FILIP1: variants seen among roughly 807,000 people sequenced by gnomAD.
FILIP1 encodes the protein filamin A interacting protein 1.
Under a neutral mutation model 102.1 loss-of-function variants are expected in FILIP1, and 61 were observed. That is an observed-to-expected ratio of 0.60 (90% CI 0.49 to 0.74). The LOEUF is 0.74. Ranked by LOEUF, FILIP1 falls within the 30% of genes least tolerant of loss-of-function variation. FILIP1 has a pLI of 0.00. For synonymous variants in FILIP1, 491 were observed against 526.9 expected, an observed-to-expected ratio of 0.93 and a Z score of 0.93; for missense variants, 1,314 against 1,441.2, an observed-to-expected ratio of 0.91 and a Z score of 1.43.
intron 1 of FILIP1, among the ~76,000 whole-genome samples, chr6:75,456,472 A>G (rs1170563339): frequency 6.6e-6 from 1 of 152,260 alleles, no homozygotes; most frequent in Non-Finnish European, 1.5e-5. Context: ...AATCTCAGAT[A>G]AAGAACAAAT....
intron 1 of FILIP1, among the ~76,000 whole-genome samples, chr6:75,492,729 T>C (rs1780000504): frequency 6.6e-6 from 1 of 151,972 alleles, no homozygotes; most frequent in African/African-American, 2.4e-5. Flanking sequence ...ATAGAATCTG[T>C]TATATCTAAA....
intron 1 of FILIP1, among the ~76,000 whole-genome samples, chr6:75,415,309 A>C (rs1777225185): frequency 6.6e-6 from 1 of 152,046 alleles, no homozygotes; most frequent in African/African-American, 2.4e-5. Context: ...TGGAGATGTC[A>C]ATTATAGAGG....
intron 1 of FILIP1, among the ~76,000 whole-genome samples, chr6:75,464,769 C>T (rs538726457): frequency 6.6e-6 from 1 of 152,260 alleles, no homozygotes; most frequent in African/African-American, 2.4e-5. Flanking sequence ...GTTCAAAACT[C>T]AACTTCTGGT....
intron 2 of FILIP1, among the ~76,000 whole-genome samples, chr6:75,413,546 T>G (rs1471194814): frequency 6.6e-6 from 1 of 152,128 alleles, no homozygotes. Flanking sequence ...CTTATCTGTA[T>G]GCACACACAG....
chr6:75,311,723 C>T (rs947645751), intron 5 of FILIP1, among the ~76,000 whole-genome samples: 1 of 152,202 alleles, frequency 6.6e-6, no homozygotes, highest in Non-Finnish European at 1.5e-5. Flanking sequence ...TCTTGAACTC[C>T]TGACCTCAGG....
At chr6:75,452,474 T>C (rs546397100) in intron 1 of FILIP1, among the ~76,000 whole-genome samples, 1 of 152,278 alleles carries the variant, frequency 6.6e-6, no homozygotes, top group South Asian at 2.1e-4. Context: ...TTCCATGGTG[T>C]ATATGTGCCA....
intron 4 of FILIP1, among the ~76,000 whole-genome samples, chr6:75,316,401 C>T (rs970405382): frequency 6.6e-6 from 1 of 152,030 alleles, no homozygotes; most frequent in Non-Finnish European, 1.5e-5. Context: ...ACTATTCTGA[C>T]TGATTAATTT....
intron 2 of FILIP1, among the ~76,000 whole-genome samples, chr6:75,412,363 C>G (rs570608225): frequency 6.6e-6 from 1 of 152,286 alleles, no homozygotes; most frequent in Admixed American, 6.5e-5. Flanking sequence ...TATCTGCACA[C>G]AGAGATAATT....
intron 3 of FILIP1, chr6:75,360,623 G>A (rs533929242): frequency 6.6e-6 from 1 of 152,308 alleles, no homozygotes; most frequent in East Asian, 1.9e-4. Context: ...AATTTACGAA[G>A]AAGGGCAGAG....
intron 1 of FILIP1, among the ~76,000 whole-genome samples, chr6:75,487,531 T>C (rs1779824683): frequency 6.6e-6 from 1 of 152,098 alleles, no homozygotes; most frequent in African/African-American, 2.4e-5. Flanking sequence ...CATTATTGTG[T>C]CATCTATGAC....
intron 2 of FILIP1, among the ~76,000 whole-genome samples, chr6:75,397,537 GACACACACACAC>G (rs59797690): frequency 0.016 from 2,221 of 139,036 alleles, 30 homozygotes; most frequent in Non-Finnish European, 0.017. Flanking sequence ...ACACATATAA[GACACACACACAC>G]ACACACACAC....
At chr6:75,441,905 C>A (rs1297535348) in intron 1 of FILIP1, among the ~76,000 whole-genome samples, 2 of 149,712 alleles carry the variant, frequency 1.3e-5, no homozygotes, top group Non-Finnish European at 3.0e-5. Context: ...CACCTCCCTC[C>A]CGGACGGGGC....
At chr6:75,353,468 C>A in intron 4 of FILIP1, 71 bp downstream of exon 4, 1 of 1,545,588 alleles carries the variant, frequency 6.5e-7, no homozygotes, top group Non-Finnish European at 8.8e-7. Flanking sequence ...AAGACTGATC[C>A]CTGAAGGGAC....
In FILIP1 at chr6:75,353,646, C is replaced by G; in HGVS notation, c.522G>C (p.Lys174Asn). ...ACTCGTATACGGTGCGCCTATGACA[C>G]TTCTCGGCCAGCAACAGCTGCTCTA... ...RMLEQLLLAEKCHRRTVYELE... is the reference protein window; with the variant it reads ...RMLEQLLLAENCHRRTVYELE... The change falls in exon 4 of 6, where the codon AAG becomes AAC. Residue 174 changes from lysine to asparagine, a missense_variant. Around this residue, in one of 3 missense-constraint regions of FILIP1, gnomAD observed 494 missense variants for 511.2 expected, o/e 0.97. Coordinates refer to ENST00000237172, the MANE Select transcript of FILIP1 (RefSeq NM_015687.5). 6.2e-7 allele frequency: 1 copy of G among 1,614,184 alleles called. No individual in the cohort carries two copies.
intron 1 of FILIP1, among the ~76,000 whole-genome samples, chr6:75,442,644 C>G (rs1190173735): frequency 6.6e-6 from 1 of 152,204 alleles, no homozygotes. Context: ...ATCGCAGGCA[C>G]TCGGCAGGCT....
At chr6:75,342,538 C>T (rs1272420362) in intron 4 of FILIP1, among the ~76,000 whole-genome samples, 2 of 152,218 alleles carry the variant, frequency 1.3e-5, no homozygotes, top group Non-Finnish European at 2.9e-5. Flanking sequence ...AGCCTAGTTT[C>T]CTTTAGTAAA....
At chr6:75,465,594 C>T (rs1231471000) in intron 1 of FILIP1, 2 of 438,704 alleles carry the variant, frequency 4.6e-6, no homozygotes, top group Admixed American at 3.8e-5. Context: ...AAGCTCTTCT[C>T]CATCCCCTCA....
At chr6:75,320,904 T>C (rs1175342201) in intron 4 of FILIP1, among the ~76,000 whole-genome samples, 2 of 152,222 alleles carry the variant, frequency 1.3e-5, no homozygotes, top group East Asian at 1.9e-4. Context: ...TGTCTACCTG[T>C]AGCACTGGAG....
chr6:75,301,805 G>T (rs1772845881), intron 6 of FILIP1, among the ~76,000 whole-genome samples: 1 of 152,122 alleles, frequency 6.6e-6, no homozygotes, highest in African/African-American at 2.4e-5. Flanking sequence ...AAAGAGTATG[G>T]CTCCAGTCTC....
Sources: allele counts gnomAD v4.1 joint callset (sites outside exome capture counted in the v4.1 genomes callset), GRCh38; gene constraint gnomAD v4.1.1; regional missense constraint gnomAD v4.1.1; transcripts MANE v1.5; gene names NCBI Gene and HGNC (gene_info 2026-07-23, HGNC 2026-07-21).